The following KHDRBS2 variants were observed in gnomAD, a reference collection of about 807,000 sequenced individuals.
KHDRBS2 encodes the protein KH domain-containing, RNA-binding, signal transduction-associated protein 2.
Under a neutral mutation model 44.3 loss-of-function variants are expected in KHDRBS2, and 26 were observed. The observed-to-expected ratio is 0.59, with a 90% confidence interval of 0.43 to 0.81. KHDRBS2 has a LOEUF of 0.81. KHDRBS2 is among the 40% of genes least tolerant of loss of function. KHDRBS2 has a pLI of 0.00. For missense variants in KHDRBS2, 476 were observed against 433.1 expected, an observed-to-expected ratio of 1.10 and a Z score of -0.88; for synonymous variants, 194 against 151.1, an observed-to-expected ratio of 1.28 and a Z score of -2.08.
intron 3 of KHDRBS2, among the ~76,000 whole-genome samples, chr6:62,018,495 C>A (rs1437569980): frequency 6.6e-6 from 1 of 152,090 alleles, no homozygotes; most frequent in African/African-American, 2.4e-5. Context: ...CTACAGGCGC[C>A]TGCCACCACG....
the KHDRBS2 span, among the ~76,000 whole-genome samples, chr6:61,622,846 T>A: frequency 6.6e-6 from 1 of 151,870 alleles, no homozygotes; most frequent in Non-Finnish European, 1.5e-5. Flanking sequence ...CAGTGGTAGC[T>A]CTCCTCTGCA....
chr6:62,162,239 C>A (rs541141817), intron 2 of KHDRBS2, among the ~76,000 whole-genome samples: 1 of 152,088 alleles, frequency 6.6e-6, no homozygotes, highest in African/African-American at 2.4e-5. Flanking sequence ...CCTGAAGGAC[C>A]CCCTGAAGCA....
At chr6:62,250,702 A>T (rs1462379788) in intron 1 of KHDRBS2, among the ~76,000 whole-genome samples, 1 of 152,026 alleles carries the variant, frequency 6.6e-6, no homozygotes, top group African/African-American at 2.4e-5. Flanking sequence ...ATGGATGCTA[A>T]ATCTAGGAGA....
chr6:62,211,961 G>T (rs1480296862), intron 1 of KHDRBS2, among the ~76,000 whole-genome samples: 4 of 152,142 alleles, frequency 2.6e-5, no homozygotes, highest in African/African-American at 9.7e-5. Flanking sequence ...ATACACAATG[G>T]AATACTATGC....
At chr6:62,086,848 C>A (rs949107400) in intron 2 of KHDRBS2, among the ~76,000 whole-genome samples, 2 of 151,762 alleles carry the variant, frequency 1.3e-5, no homozygotes, top group Non-Finnish European at 2.9e-5. Flanking sequence ...AGCCACTATA[C>A]CCTCTCCAAA....
At position 61,985,648 on chromosome 6, in the gene KHDRBS2, C is replaced by T. The variant is rs968890431; in HGVS notation, c.337-7436G>A. 1.4e-4 allele frequency among the ~76,000 whole-genome samples: 22 copies of T among 152,050 alleles called. 1 individual carries two copies. Among genetic ancestry groups the T allele is most frequent in the African/African-American group, 4.1e-4 (17 of 41,382 alleles). Reference sequence around the variant, plus strand: ...AATGACATCAGCTCAAGTTGGACCTCGTTATATGTAAAAATTTCAGGTGAG... The same window carrying T: ...AATGACATCAGCTCAAGTTGGACCTTGTTATATGTAAAAATTTCAGGTGAG... On this transcript the variant is annotated intron_variant, in intron 3 of 8. Transcript: ENST00000281156.
At chr6:61,616,136 T>C in the KHDRBS2 span, among the ~76,000 whole-genome samples, 1 of 152,216 alleles carries the variant, frequency 6.6e-6, no homozygotes, top group African/African-American at 2.4e-5. Flanking sequence ...TTTATGTTCC[T>C]GTGTCTCCTG....
chr6:62,236,446 T>G (rs1250078897), intron 1 of KHDRBS2, among the ~76,000 whole-genome samples: 1 of 151,878 alleles, frequency 6.6e-6, no homozygotes, highest in Non-Finnish European at 1.5e-5. Context: ...TGTATACATA[T>G]AATATTAAAA....
intron 8 of KHDRBS2, among the ~76,000 whole-genome samples, chr6:61,695,961 T>C (rs1012128420): frequency 3.3e-5 from 5 of 152,082 alleles, no homozygotes; most frequent in South Asian, 2.1e-4. Context: ...GTGAACATGG[T>C]ATTATTTAAT....
intron 2 of KHDRBS2, among the ~76,000 whole-genome samples, chr6:62,120,253 T>C (rs1248933538): frequency 6.6e-6 from 1 of 152,098 alleles, no homozygotes; most frequent in African/African-American, 2.4e-5. Context: ...GAGGAAGAGA[T>C]CCAAAGGCTT....
chr6:62,062,118 A>G (rs1274577508), intron 2 of KHDRBS2, among the ~76,000 whole-genome samples: 1 of 148,992 alleles, frequency 6.7e-6, no homozygotes, highest in Non-Finnish European at 1.5e-5. Flanking sequence ...GAGCACCCAG[A>G]TTCATAAAGC....
chr6:61,685,758 T>C (rs545490197), intron 8 of KHDRBS2, among the ~76,000 whole-genome samples: 46 of 151,762 alleles, frequency 3.0e-4, no homozygotes, highest in Non-Finnish European at 5.7e-4. Context: ...ATGAGGCCTA[T>C]TAAGTGCTAT....
At chr6:61,663,194 G>A in the KHDRBS2 span, among the ~76,000 whole-genome samples, 1 of 134,500 alleles carries the variant, frequency 7.4e-6, no homozygotes, top group Admixed American at 8.6e-5. Context: ...GGTGGGAATT[G>A]AACAAGGAGA....
intron 5 of KHDRBS2, among the ~76,000 whole-genome samples, chr6:61,897,840 A>T (rs1293726971): frequency 6.6e-6 from 1 of 152,112 alleles, no homozygotes; most frequent in Non-Finnish European, 1.5e-5. Flanking sequence ...AGTTCTATGT[A>T]TTCGTTCTCA....
Position 61,925,725 on chromosome 6 carries a change from C to CAAAA in KHDRBS2, c.484-24358_484-24355dup, listed in dbSNP as rs563177938. The stretch of plus-strand genomic sequence containing the variant: ...CAACAGAGTAAGGCTCTCTCTCTCT[C>CAAAA]AAAAAAAAAAAAAAAAGAAATTTGT... On this transcript the variant is annotated intron_variant, in intron 4 of 8. Transcript: ENST00000281156. Among the ~76,000 whole-genome samples the CAAAA allele has an allele frequency of 1.2e-3, 109 of 89,240 alleles. 2 individuals are homozygous for CAAAA. The highest frequency in any genetic ancestry group is 6.4e-3 in the East Asian group (20 of 3,142). The allele number at this position is 89,240 out of a possible 152,430, so 58.5% of individuals were successfully genotyped here. A position where few individuals can be genotyped will look rare whatever the true frequency, so the allele number is the denominator to read the frequency against.
rs528142061 is a variant in KHDRBS2, at chr6:62,016,941, C to T, written c.336+30937G>A. Among the ~76,000 whole-genome samples, 97 of 152,144 alleles carry T rather than the reference C, an allele frequency of 6.4e-4. 1 individual carries two copies. Among genetic ancestry groups the T allele is most frequent in the Admixed American group, 2.2e-3 (34 of 15,278 alleles). ...ACCATTTAAAAGAATGCAATACACA[C>T]TAAAAAAATATTCAGCAAATCAAAA... On this transcript the variant is annotated intron_variant, in intron 3 of 8. Transcript: ENST00000281156.
At chr6:61,695,210 C>A (rs1383723526) in intron 8 of KHDRBS2, among the ~76,000 whole-genome samples, 1 of 133,920 alleles carries the variant, frequency 7.5e-6, no homozygotes, top group African/African-American at 2.6e-5. Flanking sequence ...AACCCTGCTC[C>A]CACCTCCTGA....
intron 2 of KHDRBS2, among the ~76,000 whole-genome samples, chr6:62,051,356 T>C (rs1788993975): frequency 3.9e-5 from 6 of 152,072 alleles, no homozygotes; most frequent in Admixed American, 3.3e-4. Flanking sequence ...TTAGGTCTCA[T>C]CCGTTTTGGG....
At chr6:61,835,231 A>G (rs1792460130) in intron 6 of KHDRBS2, among the ~76,000 whole-genome samples, 1 of 152,102 alleles carries the variant, frequency 6.6e-6, no homozygotes, top group Non-Finnish European at 1.5e-5. Context: ...ACTTCAGACT[A>G]GTATCAGTTG....
Sources: gnomAD v4.1 joint callset for allele counts (sites outside exome capture counted in the v4.1 genomes callset) on GRCh38, gnomAD v4.1.1 for gene constraint, MANE v1.5 for transcripts, NCBI Gene and HGNC (gene_info 2026-07-23, HGNC 2026-07-21) for gene names.